Variants in NOD1 observed in about 807,000 individuals in gnomAD.
NOD1 encodes the protein nucleotide-binding oligomerization domain-containing protein 1.
In NOD1, 70 loss-of-function variants were observed where a neutral mutation model predicts 81.2. The ratio of observed to expected loss-of-function variants is 0.86; its 90% CI spans 0.71 to 1.05. NOD1 has a LOEUF of 1.05. Ranked by LOEUF, NOD1 falls within the 50% of genes least tolerant of loss-of-function variation. The probability of loss-of-function intolerance (pLI) is 0.00; values close to 1 mark genes in which losing one functional copy is unlikely to be tolerated. For synonymous variants in NOD1, 508 were observed against 526.9 expected, an observed-to-expected ratio of 0.96 and a Z score of 0.49; for missense variants, 1,233 against 1,228.0, an observed-to-expected ratio of 1.00 and a Z score of -0.06.
At chr7:30,469,057 C>T (rs577140659) in intron 1 of NOD1, 14 of 985,456 alleles carry the variant, frequency 1.4e-5, no homozygotes, top group Non-Finnish European at 1.4e-5. Context: ...TATGCTTGGT[C>T]AGCTCAAATG....
intron 3 of NOD1, among the ~76,000 whole-genome samples, chr7:30,457,520 A>G (rs185354336): frequency 6.6e-6 from 1 of 152,350 alleles, no homozygotes; most frequent in African/African-American, 2.4e-5. Flanking sequence ...CTTGAGGGTT[A>G]CATCTCTAGG....
At chr7:30,434,214 A>ACTAC in intron 11 of NOD1, among the ~76,000 whole-genome samples, 1 of 152,304 alleles carries the variant, frequency 6.6e-6, no homozygotes, top group East Asian at 1.9e-4. Flanking sequence ...TTAACAGTAG[A>ACTAC]GATCGTATAG....
At chr7:30,477,568 G>A (rs1022014025) in intron 1 of NOD1, among the ~76,000 whole-genome samples, 4 of 152,098 alleles carry the variant, frequency 2.6e-5, no homozygotes, top group Admixed American at 6.5e-5. Flanking sequence ...AGGCTGGAGC[G>A]CAACAGGGCG....
intron 11 of NOD1, among the ~76,000 whole-genome samples, chr7:30,435,705 T>C (rs1172677347): frequency 6.6e-6 from 1 of 152,018 alleles, no homozygotes; most frequent in African/African-American, 2.4e-5. Flanking sequence ...ACACCTGCAA[T>C]CCCAGGGCTT....
At chr7:30,453,507 ACTCCCAGGCTCAAG>A (rs1786019430) in intron 5 of NOD1, among the ~76,000 whole-genome samples, 1 of 151,998 alleles carries the variant, frequency 6.6e-6, no homozygotes, top group African/African-American at 2.4e-5. Context: ...GCAGTCTCAA[ACTCCCAGGCTCAAG>A]CAATCCTCCC....
intron 12 of NOD1, 115 bp from the exon 13 acceptor site, chr7:30,429,572 C>G: frequency 1.2e-6 from 1 of 816,836 alleles, no homozygotes; most frequent in Non-Finnish European, 2.1e-6. Flanking sequence ...AGGGGAAGAA[C>G]TGAGTCCATG....
At chr7:30,433,238 G>A (rs1784096988) in intron 11 of NOD1, 59 bp from the exon 12 acceptor site, 2 of 1,347,326 alleles carry the variant, frequency 1.5e-6, no homozygotes, top group East Asian at 2.3e-5. Context: ...CATTGTTTTA[G>A]AGTTCACAGG....
intron 12 of NOD1, among the ~76,000 whole-genome samples, chr7:30,430,365 G>A (rs1016191112): frequency 3.3e-5 from 5 of 152,262 alleles, no homozygotes; most frequent in East Asian, 1.9e-4. Context: ...GGGCAGCTAC[G>A]CTTCTAACCC....
chr7:30,445,961 G>A (rs1785023609), intron 9 of NOD1, among the ~76,000 whole-genome samples, 180 bp downstream of exon 9: 1 of 151,826 alleles, frequency 6.6e-6, no homozygotes, highest in African/African-American at 2.4e-5. Flanking sequence ...GGGGACCGGG[G>A]AGTTATTGCT....
At position 30,448,328 on chromosome 7, in the gene NOD1, AG is replaced by A. The variant is rs1785328331; in HGVS notation, c.2254del (p.Leu752Ter). ...ATAGGTCACAATTTTGTATTTGGTCAGCTCTTCGCTTAGCACCTTTACCCCA... is the reference window on the plus strand; with the variant it reads ...ATAGGTCACAATTTTGTATTTGGTCACTCTTCGCTTAGCACCTTTACCCCA... ...DGGVKVLSEE[L>X]TKYKIVTYLG... On this transcript the variant is annotated frameshift_variant, in exon 7 of 14. Coordinates refer to ENST00000222823, the MANE Select transcript of NOD1 (RefSeq NM_006092.4). LOFTEE classifies it high-confidence loss of function. The A allele has an allele frequency of 6.2e-7, 1 of 1,614,124 alleles. No homozygotes were observed. Among genetic ancestry groups the A allele is most frequent in the African/African-American group, 1.3e-5 (1 of 74,944 alleles).
chr7:30,476,408 C>T (rs996499192), intron 1 of NOD1, among the ~76,000 whole-genome samples: 6 of 152,162 alleles, frequency 3.9e-5, no homozygotes, highest in South Asian at 2.1e-4. Context: ...CCAGCTGGGA[C>T]GCAGGCATCA....
Position 30,455,160 on chromosome 7 carries a change from T to C in NOD1, c.353A>G (p.Lys118Arg), listed in dbSNP as rs138268329. 1.9e-6 allele frequency: 3 copies of C among 1,614,008 alleles called. No individual in the cohort carries two copies. The South Asian group carries it at 3.3e-5, about 18-fold the overall frequency. The stretch of plus-strand genomic sequence containing the variant: ...ACCTGGGTCAGTGTTGACCACGACT[T>C]TGCTCTGAGTGAGCAGGGAAGGGGA... Reference protein sequence around the residue: ...GFSPSLLTQSKVVVNTDPVSR... With the variant: ...GFSPSLLTQSRVVVNTDPVSR... Residue 118 changes from lysine to arginine, a missense_variant, in exon 5 of 14, where the codon AAA becomes AGA. Physicochemically the swap from Lys to Arg is conservative, Grantham distance 26. Transcript: ENST00000222823.
In NOD1 at chr7:30,451,236, G is replaced by A. The variant is rs1456735900; in HGVS notation, c.2181C>T (p.Phe727=). ...CTCACCTGAGAACAGTGAGGCGGCT[G>A]AAGCAGGGCTGCAGCTCCCGCACGC... ...DYGVRELQPC[F]SRLTVLRLSV... Residue 727 remains phenylalanine (F), a synonymous_variant, in exon 6 of 14, where the codon TTC becomes TTT. Coordinates refer to ENST00000222823, the MANE Select transcript of NOD1 (RefSeq NM_006092.4). The surrounding 1 kb of genome is among the most constrained non-coding windows in gnomAD (Gnocchi z 4.2). 1 of 1,613,512 alleles carries A rather than the reference G, an allele frequency of 6.2e-7. No individual in the cohort carries two copies. Among genetic ancestry groups the A allele is most frequent in the South Asian group, 1.1e-5 (1 of 91,056 alleles).
intron 4 of NOD1, among the ~76,000 whole-genome samples, chr7:30,456,330 C>T (rs999536076): frequency 6.6e-6 from 1 of 152,210 alleles, no homozygotes; most frequent in African/African-American, 2.4e-5. Flanking sequence ...CATTCCTGAC[C>T]CTGAGTCGGT....
At chr7:30,449,772 C>A (rs762191310) in intron 6 of NOD1, among the ~76,000 whole-genome samples, 1 of 152,346 alleles carries the variant, frequency 6.6e-6, no homozygotes, top group South Asian at 2.1e-4. Flanking sequence ...GTGTGCTTCC[C>A]GTGGTTACCC....
chr7:30,451,896 C>G lies in NOD1; in HGVS notation c.1521G>C (p.Gly507=), dbSNP rs1412221899. 2 of 1,613,498 alleles carry G rather than the reference C, an allele frequency of 1.2e-6. No individual in the cohort carries two copies. The highest frequency in any genetic ancestry group is 1.7e-6 in the Non-Finnish European group (2 of 1,179,986). Residue 507 remains glycine, a synonymous_variant, in exon 6 of 14, where the codon GGG becomes GGC. Coordinates refer to ENST00000222823, the MANE Select transcript of NOD1 (RefSeq NM_006092.4). This position sits in a 1 kb window ranked among gnomAD's most constrained non-coding sequence, Gnocchi z 4.2. ...FLRALPELGP[G]GDQQSYEFFH... is the part of the protein sequence containing the mutation. ...AAAACTCATAGGACTGCTGGTCACC[C>G]CCGGGGCCCAGCTCCGGCAAAGCCC...
chr7:30,451,763 C>T lies in NOD1; in HGVS notation c.1654G>A (p.Gly552Arg), dbSNP rs1785744126. The change falls in exon 6 of 14, where the codon GGG becomes AGG. Residue 552 changes from glycine to arginine, a missense_variant. Coordinates refer to ENST00000222823, the MANE Select transcript of NOD1 (RefSeq NM_006092.4). The surrounding 1 kb of genome is among the most constrained non-coding windows in gnomAD (Gnocchi z 4.2). ...RFFQEWMPPA[G>R]AATTSCYPPF... is the part of the protein sequence containing the mutation. ...GGATAGCAGGACGTGGTCGCTGCCCCCGCAGGGGGCATCCACTCCTGGAAG... is the reference window on the plus strand; with the variant it reads ...GGATAGCAGGACGTGGTCGCTGCCCTCGCAGGGGGCATCCACTCCTGGAAG... 9.3e-6 allele frequency: 15 copies of T among 1,613,776 alleles called. No individual in the cohort carries two copies. The highest frequency in any genetic ancestry group is 1.2e-5 in the Non-Finnish European group (14 of 1,180,016).
At position 30,452,180 on chromosome 7, in the gene NOD1, G is replaced by A. The variant is rs748509965; in HGVS notation, c.1237C>T (p.Gln413Ter). ...HFRAAFEGSP[Q>*]LPDCTMTLTD... ...AGGGTCATCGTGCAGTCGGGCAGCT[G>A]TGGTGAGCCTTCAAAGGCAGCACGG... Residue 413 changes from glutamine (Q) to a stop codon, truncating the protein, a stop_gained, in exon 6 of 14, where the codon CAG (glutamine) becomes TAG (stop). Transcript: ENST00000222823. LOFTEE classifies it high-confidence loss of function. 4.3e-6 allele frequency: 7 copies of A among 1,613,920 alleles called. No homozygotes were observed. In the African/African-American group the frequency reaches 9.3e-5, roughly 22 times the overall value.
At chr7:30,438,184 T>C (rs1562662809) in intron 9 of NOD1, among the ~76,000 whole-genome samples, 1 of 152,140 alleles carries the variant, frequency 6.6e-6, no homozygotes. Flanking sequence ...AAGAGGACGT[T>C]ACCCAACCAA....
Sources: allele counts gnomAD v4.1 joint callset (sites outside exome capture counted in the v4.1 genomes callset), GRCh38; gene constraint gnomAD v4.1.1; non-coding constraint Gnocchi (gnomAD v3.1); transcripts MANE v1.5; gene names NCBI Gene and HGNC (gene_info 2026-07-23, HGNC 2026-07-21).